FOCAD: variants seen among roughly 807,000 people sequenced by gnomAD.
FOCAD encodes KIAA1797.
Under a neutral mutation model 225.6 loss-of-function variants are expected in FOCAD, and 198 were observed. That is an observed-to-expected ratio of 0.88 (90% CI 0.78 to 0.99). FOCAD has a LOEUF of 0.99. Ranked by LOEUF, FOCAD falls within the 50% of genes least tolerant of loss-of-function variation. FOCAD has a pLI of 0.00. For missense variants in FOCAD, 2,713 were observed against 2,123.6 expected, an observed-to-expected ratio of 1.28 and a Z score of -5.46; for synonymous variants, 897 against 755.0, an observed-to-expected ratio of 1.19 and a Z score of -3.08.
chr9:20,926,058 T>C (rs1458221347), intron 25 of FOCAD, among the ~76,000 whole-genome samples: 1 of 152,192 alleles, frequency 6.6e-6, no homozygotes, highest in Admixed American at 6.5e-5. Context: ...GCAGCATCTA[T>C]CCTCTTCTGC....
At chr9:20,880,686 G>A (rs769496435) in intron 19 of FOCAD, among the ~76,000 whole-genome samples, 2 of 152,038 alleles carry the variant, frequency 1.3e-5, no homozygotes, top group African/African-American at 2.4e-5. Context: ...TATAATAGAC[G>A]GTCCAGTGAG....
chr9:20,787,605 T>G (rs1343563064), intron 10 of FOCAD, among the ~76,000 whole-genome samples: 1 of 150,126 alleles, frequency 6.7e-6, no homozygotes, highest in African/African-American at 2.5e-5. Context: ...TTTGTAACTT[T>G]CTTGAAATAG....
chr9:20,751,574 T>G (rs62557514), intron 5 of FOCAD, among the ~76,000 whole-genome samples: 22,084 of 109,620 alleles, frequency 0.2, 2,844 homozygotes, highest in Non-Finnish European at 0.28. Context: ...ACATTTGGGT[T>G]GGTTCCAAGT....
chr9:20,787,124 A>T (rs1391363639), intron 10 of FOCAD: 4 of 220,932 alleles, frequency 1.8e-5, no homozygotes, highest in Non-Finnish European at 3.8e-5. Context: ...AAGAGCCTAA[A>T]CCTGGACATA....
rs76216272 is a variant in FOCAD at position 20,970,458 on chromosome 9, A to G, written c.4133-5962A>G. 3.2e-4 allele frequency among the ~76,000 whole-genome samples: 49 copies of G among 152,114 alleles called. 1 individual carries two copies. The East Asian group carries it at 9.5e-3, about 29-fold the overall frequency. On this transcript the variant is annotated intron_variant, in intron 35 of 43. Transcript: ENST00000338382. ...ATTCTTTTGCCTGCTCAAGTCTGCTATTTAATCCCTCTAGTGAGTTTTTCA... is the reference window on the plus strand; with the variant it reads ...ATTCTTTTGCCTGCTCAAGTCTGCTGTTTAATCCCTCTAGTGAGTTTTTCA...
Position 20,874,756 on chromosome 9 carries a change from G to A in FOCAD, c.2266G>A (p.Gly756Ser), listed in dbSNP as rs1830090062. ...DVEDVDLSVP[G>S]SCYLKLLSLT... is the part of the protein sequence containing the mutation. ...TGAGGATGTGGATCTTTCAGTTCCTGGCTCTTGCTATCTCAAACTGTTGTC... is the reference window on the plus strand; with the variant it reads ...TGAGGATGTGGATCTTTCAGTTCCTAGCTCTTGCTATCTCAAACTGTTGTC... The change falls in exon 19 of 44, where the codon GGC becomes AGC. Residue 756 changes from glycine to serine, a missense_variant. Physicochemically the swap from Gly to Ser is moderately conservative, Grantham distance 56. Transcript: ENST00000338382. The A allele has an allele frequency of 6.2e-7, 1 of 1,613,538 alleles. No individual in the cohort carries two copies. The highest frequency in any genetic ancestry group is 1.3e-5 in the African/African-American group (1 of 74,876).
At chr9:20,764,491 A>G (rs1005909981) in intron 6 of FOCAD, among the ~76,000 whole-genome samples, 2 of 152,202 alleles carry the variant, frequency 1.3e-5, no homozygotes, top group African/African-American at 4.8e-5. Context: ...TGACCTCATG[A>G]TCTGCCTGCC....
chr9:20,763,842 G>T (rs1164226703), intron 6 of FOCAD, among the ~76,000 whole-genome samples: 5 of 152,068 alleles, frequency 3.3e-5, no homozygotes, highest in Non-Finnish European at 1.5e-5. Flanking sequence ...TTTTATTTTT[G>T]ATGATCATTC....
intron 24 of FOCAD, among the ~76,000 whole-genome samples, chr9:20,918,246 C>A (rs1564149759): frequency 6.6e-6 from 1 of 152,252 alleles, no homozygotes; most frequent in Non-Finnish European, 1.5e-5. Context: ...TACCAACTTT[C>A]TCCTAAAGCA....
upstream of FOCAD, among the ~76,000 whole-genome samples, chr9:20,656,398 T>C (rs372082875): frequency 2.0e-5 from 3 of 151,528 alleles, no homozygotes; most frequent in Non-Finnish European, 4.4e-5. Flanking sequence ...CCCATTATTA[T>C]TGTGTGGGAG....
At chr9:20,681,249 GA>G (rs1427975727), upstream of FOCAD, among the ~76,000 whole-genome samples, 1 of 152,034 alleles carries the variant, frequency 6.6e-6, no homozygotes, top group Non-Finnish European at 1.5e-5. Flanking sequence ...TTTCATATGA[GA>G]AAACTTCTAT....
intron 6 of FOCAD, among the ~76,000 whole-genome samples, chr9:20,762,403 A>G (rs1829680461): frequency 1.3e-5 from 2 of 152,196 alleles, no homozygotes; most frequent in Non-Finnish European, 1.5e-5. Flanking sequence ...TGATAAAAAA[A>G]TTTCTTCAGA....
chr9:20,870,037 AC>A (rs904257230), intron 18 of FOCAD, among the ~76,000 whole-genome samples: 1 of 152,202 alleles, frequency 6.6e-6, no homozygotes, highest in Non-Finnish European at 1.5e-5. Flanking sequence ...AAACAAAAAA[AC>A]TATGGAGAAG....
intron 1 of FOCAD, among the ~76,000 whole-genome samples, chr9:20,708,824 A>G (rs1824600990): frequency 6.6e-6 from 1 of 151,966 alleles, no homozygotes. Context: ...TTTCAGCCAT[A>G]TGACTGCCCT....
At chr9:20,831,811 C>G (rs1178600283) in intron 15 of FOCAD, among the ~76,000 whole-genome samples, 4 of 152,004 alleles carry the variant, frequency 2.6e-5, no homozygotes, top group Non-Finnish European at 5.9e-5. Flanking sequence ...AGAACATTTT[C>G]ATTACCTCAG....
intron 21 of FOCAD, among the ~76,000 whole-genome samples, chr9:20,898,988 G>A (rs1016442746): frequency 6.6e-6 from 1 of 151,784 alleles, no homozygotes; most frequent in African/African-American, 2.4e-5. Context: ...AGGTGGGATA[G>A]GATGGCTAGA....
At chr9:20,803,657 G>A (rs1388900494) in intron 11 of FOCAD, among the ~76,000 whole-genome samples, 1 of 152,112 alleles carries the variant, frequency 6.6e-6, no homozygotes, top group African/African-American at 2.4e-5. Flanking sequence ...ATTCCTAAGG[G>A]TTGTGGTCTG....
At chr9:20,869,740 A>T (rs1564093015) in intron 18 of FOCAD, among the ~76,000 whole-genome samples, 1 of 152,112 alleles carries the variant, frequency 6.6e-6, no homozygotes, top group Non-Finnish European at 1.5e-5. Flanking sequence ...TTTAATAATA[A>T]TTTATTTGGT....
chr9:20,890,749 A>T (rs1397638536), intron 21 of FOCAD, among the ~76,000 whole-genome samples: 1 of 151,994 alleles, frequency 6.6e-6, no homozygotes, highest in African/African-American at 2.4e-5. Flanking sequence ...ATTGTTATTA[A>T]TTTTTCCTTA....
Sources: gnomAD v4.1 joint callset for allele counts (sites outside exome capture counted in the v4.1 genomes callset) on GRCh38, gnomAD v4.1.1 for gene constraint, MANE v1.5 for transcripts, NCBI Gene and HGNC (gene_info 2026-07-23, HGNC 2026-07-21) for gene names.